BEND5: variants seen among roughly 807,000 people sequenced by gnomAD.
BEND5 encodes the protein BEN domain-containing protein 5.
In BEND5, 22 loss-of-function variants were observed where a neutral mutation model predicts 43.9. The ratio of observed to expected loss-of-function variants is 0.50; its 90% CI spans 0.36 to 0.72. The LOEUF (loss-of-function observed/expected upper bound fraction) is 0.72, where lower values mean the gene tolerates loss of function less well. BEND5 is among the 30% of genes least tolerant of loss of function. BEND5 has a pLI of 0.00. For missense variants in BEND5, 428 were observed against 550.6 expected, an observed-to-expected ratio of 0.78 and a Z score of 2.23; for synonymous variants, 228 against 225.9, an observed-to-expected ratio of 1.01 and a Z score of -0.08.
At chr1:48,734,237 G>T (rs775943990) in intron 5 of BEND5, among the ~76,000 whole-genome samples, 1 of 152,262 alleles carries the variant, frequency 6.6e-6, no homozygotes, top group East Asian at 1.9e-4. Flanking sequence ...AGCAGAACAA[G>T]CCCCAGACCA....
At chr1:48,760,561 C>T (rs1644204218) in intron 2 of BEND5, among the ~76,000 whole-genome samples, 1 of 152,132 alleles carries the variant, frequency 6.6e-6, no homozygotes, top group African/African-American at 2.4e-5. Context: ...TAATGTGAGA[C>T]CCCTGGAGGC....
Position 48,742,604 on chromosome 1 carries a change from A to C in BEND5, c.894+19T>G. On this transcript the variant is annotated intron_variant, in intron 4 of 5. Transcript: ENST00000371833. ...TAACAAACACTTGCAGGGAATGGAT[A>C]TTGAGCTTAAAACACTACCTTGCCA... is the stretch of plus-strand genomic sequence containing the variant. 6.6e-7 allele frequency: 1 copy of C among 1,520,164 alleles called. No individual in the cohort carries two copies. The highest frequency in any genetic ancestry group is 8.9e-7 in the Non-Finnish European group (1 of 1,126,888). 94.2% of individuals were successfully genotyped at this position (1,520,164 alleles called of 1,614,324 possible). A position where few individuals can be genotyped will look rare whatever the true frequency, so the allele number is the denominator to read the frequency against.
intron 3 of BEND5, among the ~76,000 whole-genome samples, chr1:48,751,006 C>T (rs529033096): frequency 6.6e-6 from 1 of 152,334 alleles, no homozygotes; most frequent in East Asian, 1.9e-4. Flanking sequence ...TGGCTGAACA[C>T]AAACCTTCCA....
At chr1:48,748,636 A>C (rs143230612) in intron 3 of BEND5, among the ~76,000 whole-genome samples, 1 of 152,306 alleles carries the variant, frequency 6.6e-6, no homozygotes, top group East Asian at 1.9e-4. Context: ...AGTTCTCATA[A>C]GGTGAAGGCA....
At chr1:48,750,221 C>T (rs758407413) in intron 3 of BEND5, among the ~76,000 whole-genome samples, 5 of 152,180 alleles carry the variant, frequency 3.3e-5, no homozygotes, top group Non-Finnish European at 7.3e-5. Context: ...GACTGCACCC[C>T]AGCCCACTCC....
At chr1:48,771,067 A>G (rs1022708777) in intron 1 of BEND5, among the ~76,000 whole-genome samples, 3 of 152,244 alleles carry the variant, frequency 2.0e-5, no homozygotes, top group Non-Finnish European at 2.9e-5. Flanking sequence ...GAACCAGGTG[A>G]GTATTTATAA....
intron 1 of BEND5, among the ~76,000 whole-genome samples, chr1:48,768,163 C>G (rs191057785): frequency 1.0e-5 from 1 of 97,452 alleles, no homozygotes; most frequent in Admixed American, 1.3e-4. Context: ...CTCAAATGAA[C>G]TAAAAGGCAC....
rs759381131 is a variant in BEND5, at chr1:48,759,087, C to A, written c.558G>T (p.Leu186=). 6.2e-7 allele frequency: 1 copy of A among 1,612,346 alleles called. No individual in the cohort carries two copies. The highest frequency in any genetic ancestry group is 8.5e-7 in the Non-Finnish European group (1 of 1,179,120). ...AVVPRALYEE[L]LRNYQQQQEE... ...CCTGTTGCTGCTGGTAGTTGCGCAGCAGCTCCTCATACAGAGCCCGGGGCA... is the reference window on the plus strand; with the variant it reads ...CCTGTTGCTGCTGGTAGTTGCGCAGAAGCTCCTCATACAGAGCCCGGGGCA... Residue 186 remains leucine, a synonymous_variant, in exon 3 of 6, where the codon CTG becomes CTT. Transcript: ENST00000371833.
At chr1:48,766,243 C>T (rs1041877966) in intron 1 of BEND5, among the ~76,000 whole-genome samples, 4 of 152,046 alleles carry the variant, frequency 2.6e-5, no homozygotes, top group African/African-American at 9.7e-5. Context: ...AGAAATGAGG[C>T]TCAAAGAAAC....
At chr1:48,776,520 C>T in intron 1 of BEND5, 86 bp downstream of exon 1, 5 of 1,001,446 alleles carry the variant, frequency 5.0e-6, no homozygotes, top group Non-Finnish European at 6.8e-6. Context: ...TGGCTCCCCC[C>T]GGTCCCCTCC....
intron 3 of BEND5, among the ~76,000 whole-genome samples, chr1:48,757,298 C>T (rs566214893): frequency 6.6e-6 from 1 of 152,308 alleles, no homozygotes; most frequent in South Asian, 2.1e-4. Flanking sequence ...TCCCCATCCC[C>T]CATCACCACT....
chr1:48,758,682 C>T (rs927596593), intron 3 of BEND5, among the ~76,000 whole-genome samples: 1 of 152,180 alleles, frequency 6.6e-6, no homozygotes, highest in Non-Finnish European at 1.5e-5. Flanking sequence ...CCATGTTCGC[C>T]AATGTTCCCA....
chr1:48,762,050 A>G (rs1354297528), intron 1 of BEND5, among the ~76,000 whole-genome samples: 1 of 152,152 alleles, frequency 6.6e-6, no homozygotes, highest in African/African-American at 2.4e-5. Context: ...ATCAAATCTC[A>G]GCATGACTGA....
At chr1:48,758,266 T>G (rs969338488) in intron 3 of BEND5, among the ~76,000 whole-genome samples, 7 of 152,182 alleles carry the variant, frequency 4.6e-5, no homozygotes, top group Non-Finnish European at 1.0e-4. Context: ...GCTGGTAAAG[T>G]TTTCAAGTCC....
chr1:48,763,518 AAGAG>A (rs1028055249), intron 1 of BEND5, among the ~76,000 whole-genome samples: 1 of 151,992 alleles, frequency 6.6e-6, no homozygotes, highest in Admixed American at 6.6e-5. Context: ...AAAAGAGAGA[AAGAG>A]AGAGAGACGA....
intron 3 of BEND5, among the ~76,000 whole-genome samples, chr1:48,753,352 T>G (rs1652053515): frequency 6.6e-6 from 1 of 152,186 alleles, no homozygotes; most frequent in African/African-American, 2.4e-5. Flanking sequence ...ACAGCTGAGA[T>G]TCAAACCCAA....
intron 1 of BEND5, among the ~76,000 whole-genome samples, chr1:48,770,148 C>T (rs192775020): frequency 5.3e-4 from 81 of 152,326 alleles, no homozygotes; most frequent in African/African-American, 1.8e-3. Context: ...GACCCCAACT[C>T]TGCTTTCAAG....
chr1:48,770,380 G>T (rs990375090), intron 1 of BEND5, among the ~76,000 whole-genome samples: 25 of 152,234 alleles, frequency 1.6e-4, no homozygotes, highest in African/African-American at 5.3e-4. Flanking sequence ...TGGTTTCCAG[G>T]ACACCTATCT....
At chr1:48,749,523 C>A (rs1278051592) in intron 3 of BEND5, among the ~76,000 whole-genome samples, 1 of 152,178 alleles carries the variant, frequency 6.6e-6, no homozygotes, top group East Asian at 1.9e-4. Context: ...TTGTCAGATT[C>A]CAAAGACAGC....
Sources: allele counts gnomAD v4.1 joint callset (sites outside exome capture counted in the v4.1 genomes callset), GRCh38; gene constraint gnomAD v4.1.1; transcripts MANE v1.5; gene names NCBI Gene and HGNC (gene_info 2026-07-23, HGNC 2026-07-21).